The following MTDH variants were observed in gnomAD, a reference collection of about 807,000 sequenced individuals.
MTDH encodes protein LYRIC.
Under a neutral mutation model 72.7 loss-of-function variants are expected in MTDH, and 34 were observed. That is an observed-to-expected ratio of 0.47 (90% CI 0.36 to 0.62). MTDH has a LOEUF of 0.62. Ranked by LOEUF, MTDH falls within the 20% of genes least tolerant of loss-of-function variation. MTDH has a pLI of 0.00. For missense variants in MTDH, 677 were observed against 699.4 expected (o/e 0.97, Z 0.36); for synonymous variants, 266 against 268.9 (o/e 0.99, Z 0.10).
chr8:97,644,971 C>T, intron 1 of MTDH, 84 bp downstream of exon 1: 2 of 1,424,098 alleles, frequency 1.4e-6, no homozygotes, highest in Non-Finnish European at 9.2e-7. Flanking sequence ...GCGCCCCAGC[C>T]GGGAAGGAAA....
At chr8:97,649,498 A>G (rs563586056) in intron 1 of MTDH, among the ~76,000 whole-genome samples, 1 of 152,204 alleles carries the variant, frequency 6.6e-6, no homozygotes, top group Non-Finnish European at 1.5e-5. Context: ...GAGTCTCTTC[A>G]TGATCTAACC....
intron 2 of MTDH, among the ~76,000 whole-genome samples, chr8:97,664,032 G>A (rs1812279112): frequency 6.6e-6 from 1 of 152,112 alleles, no homozygotes; most frequent in Non-Finnish European, 1.5e-5. Context: ...AAGGGCTCCA[G>A]TGCCTAGAAA....
At chr8:97,647,319 G>A (rs866136145) in intron 1 of MTDH, among the ~76,000 whole-genome samples, 16 of 152,338 alleles carry the variant, frequency 1.1e-4, no homozygotes, top group African/African-American at 3.6e-4. Flanking sequence ...CCTTGTCACA[G>A]AAGCTGACTT....
chr8:97,652,758 TA>T lies in MTDH; in HGVS notation c.381+7873del, dbSNP rs1331596725. Among the ~76,000 whole-genome samples the T allele has an allele frequency of 4.6e-5, 7 of 152,340 alleles. No homozygotes were observed. In the East Asian group the frequency reaches 1.3e-3, roughly 29 times the overall value. Reference sequence around the variant, plus strand: ...TATTCTTAGGTAATAGTTTTGCTGGTAATATTAAAAAAGTTATATCACTTGC... The same window carrying T: ...TATTCTTAGGTAATAGTTTTGCTGGTATATTAAAAAAGTTATATCACTTGC... On this transcript the variant is annotated intron_variant, in intron 1 of 11. Transcript: ENST00000336273.
In MTDH at chr8:97,690,798, C is replaced by T. The variant is rs1813573203; in HGVS notation, c.812-154C>T. Among the ~76,000 whole-genome samples the T allele has an allele frequency of 2.0e-5, 3 of 152,072 alleles. No individual in the cohort carries two copies. The South Asian group carries it at 6.2e-4, about 31-fold the overall frequency. On this transcript the variant is annotated intron_variant, in intron 5 of 11. Coordinates refer to ENST00000336273, the MANE Select transcript of MTDH (RefSeq NM_178812.4). ...GTTAGTATATATGTTATGTTCAAGC[C>T]TCCTGTTTTTAAATTAAGGCAATCC...
intron 8 of MTDH, among the ~76,000 whole-genome samples, chr8:97,709,702 T>C (rs1393456570): frequency 6.6e-6 from 1 of 152,228 alleles, no homozygotes; most frequent in African/African-American, 2.4e-5. Flanking sequence ...TGGATACAAA[T>C]AAATTTATAG....
At chr8:97,670,483 G>T (rs964903848) in intron 2 of MTDH, among the ~76,000 whole-genome samples, 8 of 152,136 alleles carry the variant, frequency 5.3e-5, no homozygotes, top group African/African-American at 1.9e-4. Context: ...TTAGCTGGGT[G>T]TGGTGGCGTG....
intron 7 of MTDH, 35 bp from the exon 8 acceptor site, chr8:97,706,591 A>G: frequency 6.8e-7 from 1 of 1,471,894 alleles, no homozygotes; most frequent in South Asian, 1.4e-5. Context: ...TATGGCAAAA[A>G]TGATAGACGC....
intron 6 of MTDH, among the ~76,000 whole-genome samples, chr8:97,692,603 C>T (rs568166253): frequency 2.6e-5 from 4 of 152,178 alleles, no homozygotes; most frequent in African/African-American, 9.6e-5. Flanking sequence ...GTTTCAAACT[C>T]CTGACCTCAA....
intron 6 of MTDH, chr8:97,696,265 A>T: frequency 1.0e-6 from 1 of 985,392 alleles, no homozygotes; most frequent in Non-Finnish European, 1.2e-6. Flanking sequence ...CTTCTTTTGC[A>T]TCTCTCACAC....
At chr8:97,676,794 G>T (rs1379061771) in intron 2 of MTDH, among the ~76,000 whole-genome samples, 1 of 151,454 alleles carries the variant, frequency 6.6e-6, no homozygotes, top group Non-Finnish European at 1.5e-5. Context: ...ACGAGGTCAG[G>T]AGATCAAGAC....
intron 2 of MTDH, among the ~76,000 whole-genome samples, chr8:97,667,647 G>C (rs1812444551): frequency 6.6e-6 from 1 of 152,082 alleles, no homozygotes; most frequent in African/African-American, 2.4e-5. Flanking sequence ...AAGGAAGCTG[G>C]TAGTATTTGT....
intron 2 of MTDH, among the ~76,000 whole-genome samples, chr8:97,680,228 A>G (rs1010148194): frequency 2.6e-5 from 4 of 152,094 alleles, no homozygotes; most frequent in African/African-American, 7.2e-5. Context: ...GTGCACCACC[A>G]TGCCCAGCTA....
chr8:97,689,649 A>G (rs1240862221), intron 5 of MTDH, among the ~76,000 whole-genome samples: 1 of 152,062 alleles, frequency 6.6e-6, no homozygotes, highest in African/African-American at 2.4e-5. Context: ...CCTGAAAACA[A>G]AAGTGTTGTA....
chr8:97,685,042 G>C (rs1813306077), intron 2 of MTDH, among the ~76,000 whole-genome samples: 1 of 152,126 alleles, frequency 6.6e-6, no homozygotes, highest in Admixed American at 6.5e-5. Flanking sequence ...GTCCAGCCTG[G>C]GTGACAGAGC....
chr8:97,728,953 C>T lies in MTDH; in HGVS notation c.*4283C>T, dbSNP rs570036477. Among the ~76,000 whole-genome samples the T allele has an allele frequency of 1.9e-4, 28 of 150,704 alleles. No homozygotes were observed. The highest frequency in any genetic ancestry group is 3.4e-4 in the Non-Finnish European group (23 of 67,748). On this transcript the variant is annotated 3_prime_UTR_variant, in exon 12 of 12. Coordinates refer to ENST00000336273, the MANE Select transcript of MTDH (RefSeq NM_178812.4). ...ATGAGATAGGGTCTCACTCTGTTGC[C>T]CAGGCTGGAGTGCAGTGGCACACTT...
rs202138651 is a variant in MTDH, at chr8:97,719,205, A to G, written c.1521+16A>G. 2.2e-3 allele frequency: 3,596 copies of G among 1,610,156 alleles called. 6 individuals are homozygous for G. Among genetic ancestry groups the G allele is most frequent in the South Asian group, 3.0e-3 (270 of 90,424 alleles). ...AAATAGCCAGGTAATTTTTAAGAAT[A>G]ATAAAGTTGCCGGGCGCAGTGGCTT... On this transcript the variant is annotated intron_variant, in intron 10 of 11. Transcript: ENST00000336273.
At chr8:97,652,810 T>C (rs933484827) in intron 1 of MTDH, among the ~76,000 whole-genome samples, 10 of 152,152 alleles carry the variant, frequency 6.6e-5, no homozygotes, top group South Asian at 2.1e-4. Flanking sequence ...CTTTTTACCT[T>C]TAAGTCACTC....
chr8:97,671,468 A>G (rs940607370), intron 2 of MTDH, among the ~76,000 whole-genome samples: 1 of 152,176 alleles, frequency 6.6e-6, no homozygotes, highest in African/African-American at 2.4e-5. Flanking sequence ...TGAAAAATAT[A>G]TAGGTATCAT....
Sources: gnomAD v4.1 joint callset for allele counts (sites outside exome capture counted in the v4.1 genomes callset) on GRCh38, gnomAD v4.1.1 for gene constraint, MANE v1.5 for transcripts, NCBI Gene and HGNC (gene_info 2026-07-23, HGNC 2026-07-21) for gene names.